ZNF461: variants seen among roughly 807,000 people sequenced by gnomAD.
ZNF461 encodes gonadotropin-inducible ovarian transcription factor-1.
Under a neutral mutation model 18.3 loss-of-function variants are expected in ZNF461, and 16 were observed. The ratio of observed to expected loss-of-function variants is 0.88; its 90% confidence interval spans 0.59 to 1.33. The LOEUF is 1.33. Ranked by LOEUF, ZNF461 falls within the 40% of genes most tolerant of loss-of-function variation. ZNF461 has a pLI of 0.00. For missense variants in ZNF461, 595 were observed against 669.9 expected, an observed-to-expected ratio of 0.89 and a Z score of 1.23; for synonymous variants, 179 against 216.9, an observed-to-expected ratio of 0.83 and a Z score of 1.54.
intron 4 of ZNF461, among the ~76,000 whole-genome samples, chr19:36,646,135 ATTG>A (rs2037523433): frequency 1.2e-5 from 1 of 84,864 alleles, no homozygotes; most frequent in East Asian, 3.9e-4. Flanking sequence ...TGTTGTTGTT[ATTG>A]TTGTTGATTG....
rs1281363580 is a variant in ZNF461 at position 36,666,820 on chromosome 19, G to T, written c.-211C>A. The T allele has an allele frequency of 6.6e-6, 1 of 152,252 alleles. No individual in the cohort carries two copies. The highest frequency in any genetic ancestry group is 2.4e-5 in the African/African-American group (1 of 41,432). 9.4% of individuals were successfully genotyped at this position (152,252 alleles called of 1,614,324 possible). ...GCCTCTACCCGGAGACCATTCCTGCGAGGCTCCTACCGGAAGTAGCTGTGG... is the reference window on the plus strand; with the variant it reads ...GCCTCTACCCGGAGACCATTCCTGCTAGGCTCCTACCGGAAGTAGCTGTGG... On this transcript the variant is annotated 5_prime_UTR_variant, in exon 1 of 6. Transcript: ENST00000588268.
intron 3 of ZNF461, 70 bp downstream of exon 3, chr19:36,658,229 C>T: frequency 6.7e-7 from 1 of 1,493,800 alleles, no homozygotes; most frequent in South Asian, 1.3e-5. Context: ...AGCAGAAATT[C>T]CAAGAAGTAG....
In ZNF461 at chr19:36,646,705, A is replaced by C. The variant is rs147621350; in HGVS notation, c.233-2843T>G. Among the ~76,000 whole-genome samples, 1,247 of 152,298 alleles carry C rather than the reference A, an allele frequency of 8.2e-3. 12 individuals are homozygous for C. The highest frequency in any genetic ancestry group is 0.044 in the Middle Eastern group (13 of 294). On this transcript the variant is annotated intron_variant, in intron 4 of 5. Coordinates refer to ENST00000588268, the MANE Select transcript of ZNF461 (RefSeq NM_153257.5). ...TAGTGAGTTTTAATTTAATAGATTA[A>C]ATTCAGAGGCAGATGTGAGATCCAC...
At chr19:36,660,303 C>T (rs1051870780) in intron 2 of ZNF461, among the ~76,000 whole-genome samples, 2 of 152,022 alleles carry the variant, frequency 1.3e-5, no homozygotes, top group Middle Eastern at 3.4e-3. Flanking sequence ...GTGCACACCA[C>T]CGCACCCGGC....
At chr19:36,656,083 C>T (rs946762964) in intron 4 of ZNF461, among the ~76,000 whole-genome samples, 23 of 150,996 alleles carry the variant, frequency 1.5e-4, no homozygotes, top group African/African-American at 4.9e-4. Flanking sequence ...CTGCAAGCTC[C>T]GCCTTCCGGG....
chr19:36,645,064 A>T (rs910414574), intron 4 of ZNF461: 10 of 152,286 alleles, frequency 6.6e-5, no homozygotes, highest in Non-Finnish European at 1.3e-4. Flanking sequence ...ACTAAAAAAA[A>T]ATAAAAATAG....
intron 4 of ZNF461, among the ~76,000 whole-genome samples, chr19:36,648,540 A>G (rs1279872638): frequency 6.6e-6 from 1 of 151,458 alleles, no homozygotes; most frequent in Non-Finnish European, 1.5e-5. Context: ...GTGTGAGGTG[A>G]TATCTCATTG....
chr19:36,663,269 C>A (rs546957083), intron 2 of ZNF461, among the ~76,000 whole-genome samples: 1 of 152,124 alleles, frequency 6.6e-6, no homozygotes, highest in Admixed American at 6.5e-5. Context: ...CCCGCCTTGG[C>A]CTCCCAAAGT....
chr19:36,644,714 C>T (rs993564568), intron 4 of ZNF461, among the ~76,000 whole-genome samples: 6 of 151,974 alleles, frequency 3.9e-5, no homozygotes, highest in Non-Finnish European at 7.4e-5. Context: ...TCTGCCTCAG[C>T]CTCCCAAGTA....
intron 4 of ZNF461, among the ~76,000 whole-genome samples, chr19:36,654,618 C>T (rs2037685120): frequency 6.6e-6 from 1 of 151,984 alleles, no homozygotes; most frequent in Non-Finnish European, 1.5e-5. Context: ...GCAATCCTTC[C>T]ACCTTGGCCA....
intron 4 of ZNF461, among the ~76,000 whole-genome samples, chr19:36,654,611 A>G (rs1600435515): frequency 1.3e-5 from 2 of 152,118 alleles, no homozygotes; most frequent in Non-Finnish European, 2.9e-5. Flanking sequence ...GGCTCAAGCA[A>G]TCCTTCCACC....
At chr19:36,647,369 GTC>G (rs2037546932) in intron 4 of ZNF461, among the ~76,000 whole-genome samples, 1 of 152,034 alleles carries the variant, frequency 6.6e-6, no homozygotes, top group African/African-American at 2.4e-5. Flanking sequence ...GTTAAACCCT[GTC>G]TCTACTAAAA....
At chr19:36,663,311 A>G (rs890132520) in intron 2 of ZNF461, among the ~76,000 whole-genome samples, 12 of 152,014 alleles carry the variant, frequency 7.9e-5, no homozygotes, top group Admixed American at 7.2e-4. Context: ...TGCCATGCCC[A>G]GTCCTGTTTT....
chr19:36,639,389 T>C lies in ZNF461; in HGVS notation c.956A>G (p.His319Arg). 5.0e-6 allele frequency: 8 copies of C among 1,614,124 alleles called. No homozygotes were observed. The highest frequency in any genetic ancestry group is 6.8e-6 in the Non-Finnish European group (8 of 1,180,014). ...TTTTTCACCAGTATGAAGTCTCTGA[T>C]GTTGAGTAAGCTGTGATCGCTGTCT... is the stretch of plus-strand genomic sequence containing the variant. ...AFRQRSQLTQ[H>R]QRLHTGEKPY... The change falls in exon 6 of 6, where the codon CAT (histidine) becomes CGT (arginine). Residue 319 changes from histidine (H) to arginine (R), a missense_variant. Transcript: ENST00000588268.
At chr19:36,641,843 T>C (rs1355119614) in intron 5 of ZNF461, among the ~76,000 whole-genome samples, 1 of 152,136 alleles carries the variant, frequency 6.6e-6, no homozygotes, top group Non-Finnish European at 1.5e-5. Flanking sequence ...ATAAACCATG[T>C]ACTTGCTTAT....
intron 4 of ZNF461, among the ~76,000 whole-genome samples, chr19:36,653,409 A>G (rs1853603228): frequency 6.6e-6 from 1 of 152,236 alleles, no homozygotes; most frequent in Non-Finnish European, 1.5e-5. Flanking sequence ...AAATTACATA[A>G]TTATACAGAG....
chr19:36,659,416 T>C (rs936021414), intron 2 of ZNF461, among the ~76,000 whole-genome samples: 8 of 152,230 alleles, frequency 5.3e-5, no homozygotes, highest in Non-Finnish European at 8.8e-5. Flanking sequence ...TGTAATATGA[T>C]TTTTATTGGT....
intron 1 of ZNF461, among the ~76,000 whole-genome samples, 190 bp downstream of exon 1, chr19:36,666,500 C>T (rs2037943025): frequency 6.6e-6 from 1 of 152,120 alleles, no homozygotes; most frequent in South Asian, 2.1e-4. Context: ...AATGATCAGG[C>T]ACACAATCAC....
At chr19:36,651,358 T>G (rs1335010858) in intron 4 of ZNF461, among the ~76,000 whole-genome samples, 4 of 151,104 alleles carry the variant, frequency 2.6e-5, no homozygotes, top group Non-Finnish European at 5.9e-5. Flanking sequence ...TTATTCAACA[T>G]AGTATTAGAA....
Sources: allele counts gnomAD v4.1 joint callset (sites outside exome capture counted in the v4.1 genomes callset), GRCh38; gene constraint gnomAD v4.1.1; transcripts MANE v1.5; gene names NCBI Gene and HGNC (gene_info 2026-07-23, HGNC 2026-07-21).